Variants in FSAF1 observed in about 807,000 individuals in gnomAD.
FSAF1 encodes the protein uncharacterized protein C1orf131.
At chr1:231,230,909 C>T in the FSAF1 span, among the ~76,000 whole-genome samples, 1 of 152,230 alleles carries the variant, frequency 6.6e-6, no homozygotes, top group Admixed American at 6.5e-5. Flanking sequence ...GCTCTTATTC[C>T]TAATGGATCT....
the FSAF1 span, chr1:231,225,288 A>G: frequency 2.9e-4 from 174 of 600,916 alleles, no homozygotes; most frequent in Non-Finnish European, 3.2e-4. Context: ...TTCCTAATTC[A>G]GTTCTCAGGC....
At chr1:231,225,446 C>T in the FSAF1 span, 1 of 1,609,206 alleles carries the variant, frequency 6.2e-7, no homozygotes, top group South Asian at 1.1e-5. Flanking sequence ...ATTGTTCAAC[C>T]CCAGGACCTG....
At chr1:231,240,918 A>C in the FSAF1 span, 1 of 990,814 alleles carries the variant, frequency 1.0e-6, no homozygotes, top group Non-Finnish European at 1.6e-6. This position sits in a 1 kb window ranked among gnomAD's most constrained non-coding sequence, Gnocchi z 4.1. Flanking sequence ...CTTGACATGC[A>C]AGAACCTTTA....
the FSAF1 span, chr1:231,225,339 CAAGGATA>C: frequency 1.2e-6 from 1 of 801,324 alleles, no homozygotes; most frequent in East Asian, 2.5e-5. Context: ...CCTACTTTGA[CAAGGATA>C]AATGAGAGAC....
chr1:231,230,917 T>C, the FSAF1 span, among the ~76,000 whole-genome samples: 1 of 152,194 alleles, frequency 6.6e-6, no homozygotes, highest in Non-Finnish European at 1.5e-5. Context: ...TCCTAATGGA[T>C]CTACTGACCA....
At chr1:231,241,038 T>C in the FSAF1 span, 1 of 1,613,852 alleles carries the variant, frequency 6.2e-7, no homozygotes, top group African/African-American at 1.3e-5. Flanking sequence ...GTCGTAAAGG[T>C]TCTGGAGCAG....
At chr1:231,226,554 G>GT in the FSAF1 span, 4 of 625,868 alleles carry the variant, frequency 6.4e-6, no homozygotes, top group Non-Finnish European at 1.1e-5. Flanking sequence ...AATCTTGCAT[G>GT]TAAGTACGCC....
At chr1:231,225,581 A>C in the FSAF1 span, 14 of 1,491,814 alleles carry the variant, frequency 9.4e-6, no homozygotes, top group Admixed American at 2.2e-4. Context: ...GATTCAAACA[A>C]AAGGCAAGAG....
the FSAF1 span, among the ~76,000 whole-genome samples, chr1:231,233,270 G>A: frequency 1.3e-5 from 2 of 152,204 alleles, no homozygotes; most frequent in African/African-American, 4.8e-5. Flanking sequence ...CCTCACCTAT[G>A]CTCTCTCTAG....
chr1:231,226,820 A>G, the FSAF1 span: 22 of 1,605,246 alleles, frequency 1.4e-5, no homozygotes, highest in Non-Finnish European at 1.9e-5. Context: ...AACTCTTTTT[A>G]GGAGGCTGTA....
At chr1:231,234,784 A>G in the FSAF1 span, among the ~76,000 whole-genome samples, 3 of 152,276 alleles carry the variant, frequency 2.0e-5, no homozygotes, top group Admixed American at 6.5e-5. The surrounding 1 kb of genome is among the most constrained non-coding windows in gnomAD (Gnocchi z 4.0). Flanking sequence ...CTTCTGTCCT[A>G]GTCTTGCTAG....
At chr1:231,231,967 A>T in the FSAF1 span, among the ~76,000 whole-genome samples, 2 of 152,094 alleles carry the variant, frequency 1.3e-5, no homozygotes, top group East Asian at 3.9e-4. Context: ...GAAACATCTT[A>T]GTTTTGTAGC....
the FSAF1 span, chr1:231,229,323 G>A: frequency 3.3e-6 from 2 of 602,102 alleles, no homozygotes; most frequent in Non-Finnish European, 5.6e-6. Context: ...ACACCCACTA[G>A]ACTGGCTACT....
At chr1:231,237,840 G>A in the FSAF1 span, 1 of 152,212 alleles carries the variant, frequency 6.6e-6, no homozygotes, top group African/African-American at 2.4e-5. Context: ...AAATGGAATA[G>A]CAATGAATTT....
chr1:231,226,840 CAAAG>C, the FSAF1 span: 1 of 1,595,492 alleles, frequency 6.3e-7, no homozygotes, highest in Non-Finnish European at 8.6e-7. Flanking sequence ...AATGAAAGAA[CAAAG>C]AAACAAACCA....
the FSAF1 span, chr1:231,238,309 C>A: frequency 6.6e-6 from 1 of 152,298 alleles, no homozygotes; most frequent in African/African-American, 2.4e-5. Flanking sequence ...TGCTTTTCCA[C>A]CAGCATTGCT....
At chr1:231,238,936 T>C in the FSAF1 span, 6 of 1,614,012 alleles carry the variant, frequency 3.7e-6, no homozygotes, top group African/African-American at 1.3e-5. Context: ...TTGTTCCCTA[T>C]TGTTCTTTAG....
chr1:231,230,481 A>T, the FSAF1 span, among the ~76,000 whole-genome samples: 3 of 152,120 alleles, frequency 2.0e-5, no homozygotes, highest in African/African-American at 7.2e-5. Flanking sequence ...TGCCCCCAAA[A>T]TATGTGACTC....
the FSAF1 span, among the ~76,000 whole-genome samples, chr1:231,235,469 C>T: frequency 4.8e-4 from 73 of 151,702 alleles, no homozygotes; most frequent in African/African-American, 1.6e-3. Flanking sequence ...TGCACTCCAG[C>T]CTGGTGACAG....
Sources: allele counts gnomAD v4.1 joint callset (sites outside exome capture counted in the v4.1 genomes callset), GRCh38; gene constraint gnomAD v4.1.1; non-coding constraint Gnocchi (gnomAD v3.1); transcripts MANE v1.5; gene names NCBI Gene and HGNC (gene_info 2026-07-23, HGNC 2026-07-21).